Variants in ICA1L observed in about 807,000 individuals in gnomAD.
The protein encoded by ICA1L is islet cell autoantigen 1-like protein.
ICA1L carries 50 observed loss-of-function variants against 61.3 expected under a neutral mutation model. That is an observed-to-expected ratio of 0.82 (90% CI 0.65 to 1.03). The LOEUF (loss-of-function observed/expected upper bound fraction) is 1.03, where lower values mean the gene tolerates loss of function less well. ICA1L is among the 50% of genes least tolerant of loss of function. ICA1L has a pLI of 0.00. For synonymous variants in ICA1L, 161 were observed against 191.3 expected (o/e 0.84, Z 1.31); for missense variants, 508 against 556.7 (o/e 0.91, Z 0.88).
At chr2:202,825,461 C>A (rs1693816344) in intron 3 of ICA1L, 1 of 1,145,274 alleles carries the variant, frequency 8.7e-7, no homozygotes, top group African/African-American at 1.6e-5. Context: ...CAGAGAAAGA[C>A]CCTGTCTCAA....
rs57673365 is a variant in ICA1L at position 202,773,473 on chromosome 2, ATC to A, written c.*6058_*6059del. Reference sequence around the variant, plus strand: ...CATCACATGTCAATTAGGGATGTTTATCTCCAACAAGACACTGTCAAAATGTT... The same window carrying A: ...CATCACATGTCAATTAGGGATGTTTATCCAACAAGACACTGTCAAAATGTT... On this transcript the variant is annotated 3_prime_UTR_variant, in exon 13 of 13. Coordinates refer to ENST00000358299, the MANE Select transcript of ICA1L (RefSeq NM_001288622.3). 1,056 of 241,712 alleles carry A rather than the reference ATC, an allele frequency of 4.4e-3. 11 individuals are homozygous for A. The highest frequency in any genetic ancestry group is 0.023 in the African/African-American group (1,000 of 44,410). The allele number at this position is 241,712 out of a possible 1,614,324, so 15.0% of individuals were successfully genotyped here. A position where few individuals can be genotyped will look rare whatever the true frequency, so the allele number is the denominator to read the frequency against.
intron 11 of ICA1L, among the ~76,000 whole-genome samples, chr2:202,788,303 G>C (rs1476120994): frequency 6.6e-6 from 1 of 152,136 alleles, no homozygotes; most frequent in African/African-American, 2.4e-5. Context: ...GAGGCAGAGA[G>C]GAGTGGGAAA....
chr2:202,841,403 CAGG>C (rs780255621), intron 1 of ICA1L: 76 of 1,146,082 alleles, frequency 6.6e-5, no homozygotes, highest in Non-Finnish European at 9.7e-5. Context: ...TCTGCTGCTG[CAGG>C]AGGGCTCCAC....
intron 2 of ICA1L, among the ~76,000 whole-genome samples, chr2:202,828,141 G>A (rs1312486666): frequency 6.6e-6 from 1 of 151,916 alleles, no homozygotes; most frequent in African/African-American, 2.4e-5. Context: ...GTACATGCCT[G>A]TAATCCCAGC....
chr2:202,792,753 A>C (rs1271086703), intron 10 of ICA1L, among the ~76,000 whole-genome samples: 1 of 151,896 alleles, frequency 6.6e-6, no homozygotes. Context: ...GCAGTGGGCC[A>C]AGATCGCGCC....
chr2:202,857,185 G>A (rs956964626), intron 1 of ICA1L, among the ~76,000 whole-genome samples: 3 of 152,082 alleles, frequency 2.0e-5, no homozygotes, highest in East Asian at 3.8e-4. Context: ...ACAATCCTAA[G>A]CAAAAAGAAC....
chr2:202,781,578 A>G (rs532897929), intron 12 of ICA1L, among the ~76,000 whole-genome samples: 5 of 151,474 alleles, frequency 3.3e-5, no homozygotes, highest in African/African-American at 1.2e-4. Flanking sequence ...TGTCTCAAAA[A>G]AAAAAAAAAA....
chr2:202,789,151 G>A, intron 10 of ICA1L, 64 bp from the exon 11 acceptor site: 1 of 1,306,724 alleles, frequency 7.7e-7, no homozygotes, highest in Non-Finnish European at 1.1e-6. Flanking sequence ...TAAGACCATA[G>A]GATGAATCAA....
intron 10 of ICA1L, among the ~76,000 whole-genome samples, chr2:202,792,034 G>A (rs939713174): frequency 2.6e-5 from 4 of 152,048 alleles, no homozygotes; most frequent in Admixed American, 6.6e-5. Flanking sequence ...TGGGTGTAGT[G>A]GCACATGCCT....
At chr2:202,857,604 C>G (rs886336172) in intron 1 of ICA1L, among the ~76,000 whole-genome samples, 3 of 152,148 alleles carry the variant, frequency 2.0e-5, no homozygotes, top group Admixed American at 6.6e-5. Flanking sequence ...GCAATGGCAA[C>G]AGAAGCCAAA....
chr2:202,864,660 T>C (rs1323474960), intron 1 of ICA1L, among the ~76,000 whole-genome samples: 1 of 152,022 alleles, frequency 6.6e-6, no homozygotes. Flanking sequence ...TATATATATA[T>C]GGATAAAACA....
intron 9 of ICA1L, among the ~76,000 whole-genome samples, chr2:202,803,211 C>T (rs1240001937): frequency 6.6e-6 from 1 of 151,790 alleles, no homozygotes; most frequent in Non-Finnish European, 1.5e-5. Context: ...AGTTCGAGAC[C>T]AGCCTGGCCA....
At chr2:202,834,763 C>A (rs1224402177) in intron 1 of ICA1L, among the ~76,000 whole-genome samples, 1 of 152,198 alleles carries the variant, frequency 6.6e-6, no homozygotes, top group Admixed American at 6.5e-5. Flanking sequence ...TCATCATCAT[C>A]ATATAGTTCT....
Position 202,779,417 on chromosome 2 carries a change from T to A in ICA1L, c.*116A>T. Reference sequence around the variant, plus strand: ...TCTGTCTAAAGTTGGCTGACAGGTGTTATATTCACAAACACCGTGCTTTTG... The same window carrying A: ...TCTGTCTAAAGTTGGCTGACAGGTGATATATTCACAAACACCGTGCTTTTG... On this transcript the variant is annotated 3_prime_UTR_variant, in exon 13 of 13. Transcript: ENST00000358299. The A allele has an allele frequency of 3.4e-6, 2 of 596,852 alleles. No individual in the cohort carries two copies. Among genetic ancestry groups the A allele is most frequent in the South Asian group, 2.4e-5 (1 of 42,422 alleles). The allele number at this position is 596,852 out of a possible 1,614,324, so 37.0% of individuals were successfully genotyped here.
chr2:202,834,625 C>A (rs1348665745), intron 1 of ICA1L, among the ~76,000 whole-genome samples: 1 of 151,900 alleles, frequency 6.6e-6, no homozygotes, highest in Non-Finnish European at 1.5e-5. Context: ...CAGACTCTGT[C>A]TCAAAAAAAC....
intron 10 of ICA1L, among the ~76,000 whole-genome samples, chr2:202,791,016 A>G (rs894009477): frequency 7.9e-5 from 12 of 152,234 alleles, no homozygotes; most frequent in African/African-American, 2.9e-4. Flanking sequence ...GGATGCTCTC[A>G]AAACAGTGGA....
At chr2:202,819,945 TAAAAC>T in intron 4 of ICA1L, 46 bp from the exon 5 acceptor site, 3 of 1,413,520 alleles carry the variant, frequency 2.1e-6, no homozygotes, top group South Asian at 1.2e-5. Context: ...ACATCATAAG[TAAAAC>T]AAAACAAAGG....
In ICA1L at chr2:202,774,130, A is replaced by G. The variant is rs1692139196; in HGVS notation, c.*5403T>C. 7.3e-7 allele frequency: 1 copy of G among 1,379,018 alleles called. No individual in the cohort carries two copies. Among genetic ancestry groups the G allele is most frequent in the Non-Finnish European group, 1.0e-6 (1 of 992,064 alleles). 85.4% of individuals were successfully genotyped at this position (1,379,018 alleles called of 1,614,324 possible). A position where few individuals can be genotyped will look rare whatever the true frequency, so the allele number is the denominator to read the frequency against. On this transcript the variant is annotated 3_prime_UTR_variant, in exon 13 of 13. Coordinates refer to ENST00000358299, the MANE Select transcript of ICA1L (RefSeq NM_001288622.3). ...TTGGATAAGCTATTCTCAACTCTTC[A>G]TTAATCAATTCATTTGTTGATGCTT...
chr2:202,829,349 C>A, intron 1 of ICA1L: 1 of 160,196 alleles, frequency 6.2e-6, no homozygotes, highest in Non-Finnish European at 1.4e-5. Flanking sequence ...GACTCCGTCT[C>A]AAAAACAAAA....
Sources: gnomAD v4.1 joint callset for allele counts (sites outside exome capture counted in the v4.1 genomes callset) on GRCh38, gnomAD v4.1.1 for gene constraint, MANE v1.5 for transcripts, NCBI Gene and HGNC (gene_info 2026-07-23, HGNC 2026-07-21) for gene names.